CCNC: variants seen among roughly 807,000 people sequenced by gnomAD.
CCNC encodes the protein cyclin-C.
Under a neutral mutation model 50.0 loss-of-function variants are expected in CCNC, and 19 were observed. The ratio of observed to expected loss-of-function variants is 0.38; its 90% CI spans 0.27 to 0.56. The LOEUF (loss-of-function observed/expected upper bound fraction) is 0.56, where lower values mean the gene tolerates loss of function less well. CCNC is among the 20% of genes least tolerant of loss of function. The probability of loss-of-function intolerance (pLI) is 0.72; values close to 1 mark genes in which losing one functional copy is unlikely to be tolerated. For synonymous variants in CCNC, 93 were observed against 103.7 expected, an observed-to-expected ratio of 0.90 and a Z score of 0.63; for missense variants, 200 against 327.1, an observed-to-expected ratio of 0.61 and a Z score of 3.00.
intron 11 of CCNC, 23 bp from the exon 12 acceptor site, chr6:99,543,632 G>A: frequency 3.7e-6 from 6 of 1,612,048 alleles, no homozygotes; most frequent in Non-Finnish European, 5.1e-6. Flanking sequence ...GGAAGAAAGA[G>A]ATTTTATACC....
intron 7 of CCNC, 191 bp downstream of exon 7, chr6:99,550,802 G>A (rs1802261644): frequency 3.4e-6 from 1 of 298,188 alleles, no homozygotes; most frequent in African/African-American, 2.2e-5. Flanking sequence ...TCCTAAGTAG[G>A]ATATACAAAT....
chr6:99,554,412 AG>A (rs1052062701), intron 5 of CCNC, among the ~76,000 whole-genome samples: 2 of 152,138 alleles, frequency 1.3e-5, no homozygotes, highest in Non-Finnish European at 2.9e-5. Flanking sequence ...AGGAGTGGGG[AG>A]TTATGCTCCC....
chr6:99,561,830 G>C lies in CCNC; in HGVS notation c.140-149C>G, dbSNP rs551282666. ...CACATGCTCTATGTGAGTCACAGTG[G>C]TCTAATTCTAGGATTTGCAAATGTG... is the stretch of plus-strand genomic sequence containing the variant. On this transcript the variant is annotated intron_variant, in intron 2 of 11. Transcript: ENST00000520429. 5 of 513,526 alleles carry C rather than the reference G, an allele frequency of 9.7e-6. No individual in the cohort carries two copies. In the South Asian group the frequency reaches 1.4e-4, roughly 15 times the overall value. The allele number at this position is 513,526 out of a possible 1,614,324, so 31.8% of individuals were successfully genotyped here.
intron 2 of CCNC, chr6:99,561,916 C>A: frequency 3.7e-6 from 1 of 267,898 alleles, no homozygotes; most frequent in Non-Finnish European, 7.0e-6. Context: ...GAAATTGCCC[C>A]ACAGGAAAAA....
chr6:99,556,819 G>A (rs544576), intron 5 of CCNC, among the ~76,000 whole-genome samples: 59,414 of 152,014 alleles, frequency 0.39, 11,767 homozygotes, highest in East Asian at 0.53. Flanking sequence ...TACCAGGGAG[G>A]ATGAGGCAGG....
At chr6:99,546,257 T>C (rs1443341158) in intron 10 of CCNC, 138 bp downstream of exon 10, 2 of 619,610 alleles carry the variant, frequency 3.2e-6, no homozygotes, top group Non-Finnish European at 5.7e-6. Flanking sequence ...CAAACCACCA[T>C]GCCCAGCCCA....
intron 5 of CCNC, among the ~76,000 whole-genome samples, chr6:99,552,981 G>A (rs1173201127): frequency 1.3e-5 from 2 of 151,876 alleles, no homozygotes; most frequent in Non-Finnish European, 2.9e-5. Flanking sequence ...GGCAGAGGGT[G>A]CAGTGAGCTG....
At chr6:99,567,093 T>C in intron 1 of CCNC, 1 of 251,264 alleles carries the variant, frequency 4.0e-6, no homozygotes, top group East Asian at 1.3e-4. Context: ...AACTTTATAA[T>C]AATTTTATAT....
At chr6:99,544,276 G>A (rs764752265) in intron 11 of CCNC, 2 of 1,534,472 alleles carry the variant, frequency 1.3e-6, no homozygotes, top group South Asian at 2.4e-5. Context: ...GGGAATTTCT[G>A]CAAAAAATGC....
Position 99,549,694 on chromosome 6 carries a change from T to C in CCNC, c.531-119A>G, listed in dbSNP as rs1009788183. ...ACACATTTATTTCCTTTTATACTACTGAAGCACAGCTATAAAAGTGAAAAC... is the reference window on the plus strand; with the variant it reads ...ACACATTTATTTCCTTTTATACTACCGAAGCACAGCTATAAAAGTGAAAAC... On this transcript the variant is annotated intron_variant, in intron 8 of 11. Coordinates refer to ENST00000520429, the MANE Select transcript of CCNC (RefSeq NM_005190.4). 35 of 626,830 alleles carry C rather than the reference T, an allele frequency of 5.6e-5. No homozygotes were observed. The African/African-American group carries it at 5.7e-4, about 10-fold the overall frequency. 38.8% of individuals were successfully genotyped at this position (626,830 alleles called of 1,614,324 possible).
intron 1 of CCNC, among the ~76,000 whole-genome samples, chr6:99,564,422 C>CA (rs11345511): frequency 0.12 from 11,970 of 96,904 alleles, 741 homozygotes; most frequent in East Asian, 0.17. Context: ...GAGACTCTGT[C>CA]AAAAAAAAAA....
At chr6:99,547,795 A>C (rs911665905) in intron 9 of CCNC, among the ~76,000 whole-genome samples, 3 of 152,182 alleles carry the variant, frequency 2.0e-5, no homozygotes, top group African/African-American at 7.2e-5. Context: ...AGGCTCTCTG[A>C]GGATGGGAGT....
At chr6:99,561,504 A>G in intron 3 of CCNC, 68 bp from the exon 4 acceptor site, 1 of 1,356,388 alleles carries the variant, frequency 7.4e-7, no homozygotes, top group Non-Finnish European at 1.0e-6. Context: ...AAATCAAGAT[A>G]ACTCTATGGT....
At chr6:99,554,333 A>G (rs929582395) in intron 5 of CCNC, among the ~76,000 whole-genome samples, 9 of 152,166 alleles carry the variant, frequency 5.9e-5, no homozygotes, top group African/African-American at 2.2e-4. Flanking sequence ...CCCCACTGTA[A>G]AGTTACCTTT....
chr6:99,559,653 A>T (rs981561229), intron 4 of CCNC, among the ~76,000 whole-genome samples: 6 of 32,008 alleles, frequency 1.9e-4, no homozygotes, highest in African/African-American at 6.9e-4. Context: ...TCACAGAGAT[A>T]AAAAAAAAAT....
chr6:99,550,998 G>T lies in CCNC; in HGVS notation c.433C>A (p.Leu145Ile). 1 of 1,073,160 alleles carries T rather than the reference G, an allele frequency of 9.3e-7. No individual in the cohort carries two copies. Among genetic ancestry groups the T allele is most frequent in the Non-Finnish European group, 1.3e-6 (1 of 766,746 alleles). 66.5% of individuals were successfully genotyped at this position (1,073,160 alleles called of 1,614,324 possible). Residue 145 changes from leucine (L) to isoleucine (I), a missense_variant, in exon 7 of 12, where the codon CTA becomes ATA. Leu to Ile is a conservative substitution (Grantham distance 5). Coordinates refer to ENST00000520429, the MANE Select transcript of CCNC (RefSeq NM_005190.4). The part of the protein sequence containing the change: ...ILECEFYLLE[L>I]MDCCLIVYHP... ...ATCACAGAAGATTTACTTACCATTA[G>T]TTCTAACAGATAGAATTCACATTCT...
At chr6:99,559,071 A>G (rs1802664339) in intron 4 of CCNC, among the ~76,000 whole-genome samples, 2 of 152,164 alleles carry the variant, frequency 1.3e-5, no homozygotes, top group South Asian at 4.1e-4. Context: ...ACTTAATTGC[A>G]AGAATATTAA....
At chr6:99,567,151 ATAATGAGAACAC>A (rs1769163223) in intron 1 of CCNC, 1 of 197,802 alleles carries the variant, frequency 5.1e-6, no homozygotes, top group African/African-American at 2.4e-5. Flanking sequence ...AAATGAAAGC[ATAATGAGAACAC>A]TATTGAAAAT....
At chr6:99,563,993 A>G (rs1326523148) in intron 1 of CCNC, among the ~76,000 whole-genome samples, 1 of 152,202 alleles carries the variant, frequency 6.6e-6, no homozygotes, top group Non-Finnish European at 1.5e-5. Flanking sequence ...GATTAATAAT[A>G]TATTTGAAAT....
Sources: allele counts gnomAD v4.1 joint callset (sites outside exome capture counted in the v4.1 genomes callset), GRCh38; gene constraint gnomAD v4.1.1; transcripts MANE v1.5; gene names NCBI Gene and HGNC (gene_info 2026-07-23, HGNC 2026-07-21).